NCOA1: variants seen among roughly 807,000 people sequenced by gnomAD.
NCOA1 encodes the protein Hin-2 protein.
NCOA1 carries 35 observed loss-of-function variants against 150.9 expected under a neutral mutation model. That is an observed-to-expected ratio of 0.23 (90% confidence interval 0.18 to 0.31). The LOEUF (loss-of-function observed/expected upper bound fraction) is 0.31, where lower values mean the gene tolerates loss of function less well. NCOA1 is among the 10% of genes least tolerant of loss of function. NCOA1 has a pLI of 1.00. For synonymous variants in NCOA1, 590 were observed against 630.0 expected (o/e 0.94, Z 0.95); for missense variants, 1,491 against 1,749.3 (o/e 0.85, Z 2.63).
rs185854602 is a variant in NCOA1 at position 24,601,663 on chromosome 2, C to T, written c.-175+17103C>T. Reference sequence around the variant, plus strand: ...TTCTTCTTTTTTTGAGATGGAGTCTCGCTCTGTCGCCCAGGCTAGAGTACA... The same window carrying T: ...TTCTTCTTTTTTTGAGATGGAGTCTTGCTCTGTCGCCCAGGCTAGAGTACA... On this transcript the variant is annotated intron_variant, in intron 3 of 22. Transcript: ENST00000348332. Among the ~76,000 whole-genome samples the T allele has an allele frequency of 9.4e-5, 14 of 148,858 alleles. No homozygotes were observed. In the East Asian group the frequency reaches 2.0e-3, roughly 21 times the overall value.
intron 4 of NCOA1, among the ~76,000 whole-genome samples, chr2:24,655,187 A>T (rs1670877877): frequency 6.6e-6 from 1 of 152,128 alleles, no homozygotes; most frequent in Non-Finnish European, 1.5e-5. Flanking sequence ...AGCTAATTTA[A>T]ATTGGTCTTC....
chr2:24,676,584 A>G (rs1671920618), intron 7 of NCOA1, among the ~76,000 whole-genome samples: 1 of 152,200 alleles, frequency 6.6e-6, no homozygotes, highest in Non-Finnish European at 1.5e-5. Context: ...CTTAACCTCC[A>G]AACAACTGCA....
intron 1 of NCOA1, among the ~76,000 whole-genome samples, chr2:24,513,050 CTTAGTCAGATATT>C (rs1253432195): frequency 6.6e-6 from 1 of 152,158 alleles, no homozygotes; most frequent in Non-Finnish European, 1.5e-5. Flanking sequence ...GCTGGCCTTA[CTTAGTCAGATATT>C]AGCTATTTGT....
intron 1 of NCOA1, among the ~76,000 whole-genome samples, chr2:24,535,749 C>A (rs933901595): frequency 1.3e-5 from 2 of 152,114 alleles, no homozygotes; most frequent in East Asian, 3.9e-4. Flanking sequence ...GTTGAAAATT[C>A]TTTTCTTTAA....
At chr2:24,697,226 G>C (rs989617260) in intron 10 of NCOA1, among the ~76,000 whole-genome samples, 22 of 152,132 alleles carry the variant, frequency 1.4e-4, no homozygotes, top group Middle Eastern at 3.2e-3. Context: ...AAAGGAAAAG[G>C]CTTGCTTCTT....
chr2:24,657,011 G>C (rs1163622176), intron 4 of NCOA1, among the ~76,000 whole-genome samples: 2 of 152,176 alleles, frequency 1.3e-5, no homozygotes, highest in Non-Finnish European at 2.9e-5. Flanking sequence ...CAGATATATA[G>C]TAGTTCTATT....
intron 4 of NCOA1, among the ~76,000 whole-genome samples, chr2:24,646,552 T>A (rs568559730): frequency 6.6e-6 from 1 of 152,244 alleles, no homozygotes; most frequent in East Asian, 1.9e-4. Context: ...TTTTTCATAG[T>A]AGGGCCTTCC....
chr2:24,507,669 G>T (rs1663762454), intron 1 of NCOA1, among the ~76,000 whole-genome samples: 1 of 151,676 alleles, frequency 6.6e-6, no homozygotes, highest in African/African-American at 2.4e-5. Context: ...CCACGTCTCG[G>T]TACCAGGAAA....
chr2:24,507,698 G>T (rs1663763907), intron 1 of NCOA1, among the ~76,000 whole-genome samples: 1 of 151,870 alleles, frequency 6.6e-6, no homozygotes. Context: ...CCTTTGACCA[G>T]CTGGTTCACT....
chr2:24,751,380 C>G (rs55849699), intron 19 of NCOA1, among the ~76,000 whole-genome samples: 161 of 151,582 alleles, frequency 1.1e-3, no homozygotes, highest in African/African-American at 3.8e-3. Flanking sequence ...GTCAGGAGTT[C>G]GAGACCACCC....
intron 3 of NCOA1, among the ~76,000 whole-genome samples, chr2:24,630,092 G>A (rs1372651001): frequency 1.3e-5 from 2 of 151,896 alleles, no homozygotes; most frequent in African/African-American, 2.4e-5. Context: ...TGATCCGCCC[G>A]TCTCGGCCTC....
At chr2:24,552,341 ATATATATATATATTTTTTTTTTTT>A (rs1488905744) in intron 1 of NCOA1, among the ~76,000 whole-genome samples, 11 of 32,638 alleles carry the variant, frequency 3.4e-4, no homozygotes, top group Non-Finnish European at 5.2e-5. Context: ...ATATATATAT[ATATATATATATATTTTTTTTTTTT>A]TTTTTTTTTT....
chr2:24,715,944 C>T (rs1478625101), intron 14 of NCOA1, among the ~76,000 whole-genome samples: 1 of 152,008 alleles, frequency 6.6e-6, no homozygotes, highest in African/African-American at 2.4e-5. Flanking sequence ...AGATCGAGAC[C>T]ATCCTGGTTA....
At chr2:24,580,057 G>A (rs1425659501) in intron 2 of NCOA1, among the ~76,000 whole-genome samples, 1 of 152,122 alleles carries the variant, frequency 6.6e-6, no homozygotes, top group Non-Finnish European at 1.5e-5. Flanking sequence ...AAAAAATGTT[G>A]TGCCACTTCT....
intron 3 of NCOA1, among the ~76,000 whole-genome samples, chr2:24,643,295 A>AG (rs1229793694): frequency 3.3e-5 from 5 of 152,288 alleles, no homozygotes; most frequent in African/African-American, 1.2e-4. Context: ...GTTCCCTTCC[A>AG]GGAGAGTCTC....
intron 1 of NCOA1, among the ~76,000 whole-genome samples, chr2:24,515,750 G>A (rs1259043475): frequency 6.6e-6 from 1 of 152,186 alleles, no homozygotes; most frequent in Admixed American, 6.5e-5. Flanking sequence ...AACCTGTAGA[G>A]CAAGTAAAGT....
At chr2:24,534,778 C>G (rs564365509) in intron 1 of NCOA1, among the ~76,000 whole-genome samples, 1 of 152,118 alleles carries the variant, frequency 6.6e-6, no homozygotes, top group Non-Finnish European at 1.5e-5. Flanking sequence ...TTTCTTAATC[C>G]TGAGTTCTAA....
At chr2:24,497,854 T>G (rs949138146) in intron 1 of NCOA1, among the ~76,000 whole-genome samples, 7 of 152,224 alleles carry the variant, frequency 4.6e-5, no homozygotes, top group Non-Finnish European at 1.0e-4. Flanking sequence ...GGTTTGGTTT[T>G]GTTTTTATTT....
chr2:24,675,797 A>G (rs1671880347), intron 7 of NCOA1, among the ~76,000 whole-genome samples: 1 of 152,212 alleles, frequency 6.6e-6, no homozygotes, highest in Non-Finnish European at 1.5e-5. Flanking sequence ...AGGCAGGAGA[A>G]TCACGTGAAC....
Sources: gnomAD v4.1 joint callset for allele counts (sites outside exome capture counted in the v4.1 genomes callset) on GRCh38, gnomAD v4.1.1 for gene constraint, MANE v1.5 for transcripts, NCBI Gene and HGNC (gene_info 2026-07-23, HGNC 2026-07-21) for gene names.